The following TXLNB variants were observed in gnomAD, a reference collection of about 807,000 sequenced individuals.
The protein encoded by TXLNB is beta-taxilin.
A neutral mutation model predicts 57.4 loss-of-function variants in TXLNB; 37 were observed. That is an observed-to-expected ratio of 0.64 (90% CI 0.50 to 0.85). The LOEUF (loss-of-function observed/expected upper bound fraction) is 0.85, where lower values mean the gene tolerates loss of function less well. TXLNB is among the 40% of genes least tolerant of loss of function. The probability of loss-of-function intolerance (pLI) is 0.00; values close to 1 mark genes in which losing one functional copy is unlikely to be tolerated. For missense variants in TXLNB, 848 were observed against 825.6 expected (o/e 1.03, Z -0.33); for synonymous variants, 302 against 309.6 (o/e 0.98, Z 0.26).
intron 3 of TXLNB, among the ~76,000 whole-genome samples, chr6:139,273,383 C>T (rs1344897422): frequency 6.6e-6 from 1 of 152,252 alleles, no homozygotes; most frequent in Non-Finnish European, 1.5e-5. Context: ...AGGAGGAAGA[C>T]ACCCTACAGG....
upstream of TXLNB, among the ~76,000 whole-genome samples, chr6:139,295,866 A>G (rs1777380128): frequency 6.6e-6 from 1 of 152,012 alleles, no homozygotes; most frequent in Non-Finnish European, 1.5e-5. Context: ...GGAGTTGATA[A>G]TTTCTTTTTC....
At chr6:139,209,866 A>G in the TXLNB span, among the ~76,000 whole-genome samples, 1 of 152,174 alleles carries the variant, frequency 6.6e-6, no homozygotes, top group African/African-American at 2.4e-5. Context: ...AATAAATGGG[A>G]CCTAATTAAA....
At chr6:139,181,239 G>A in the TXLNB span, among the ~76,000 whole-genome samples, 44 of 152,344 alleles carry the variant, frequency 2.9e-4, no homozygotes, top group Admixed American at 2.8e-3. Context: ...ATGATTTGGT[G>A]AAATCAAACT....
chr6:139,163,155 C>A, the TXLNB span, among the ~76,000 whole-genome samples: 1 of 152,070 alleles, frequency 6.6e-6, no homozygotes, highest in Admixed American at 6.5e-5. Context: ...GATTTTACCC[C>A]CTAGGGGATA....
chr6:139,253,958 AC>A (rs1386287069), intron 7 of TXLNB, among the ~76,000 whole-genome samples: 2 of 151,894 alleles, frequency 1.3e-5, no homozygotes, highest in Non-Finnish European at 2.9e-5. Context: ...TTGAGGTCAC[AC>A]CCCCTTTCCT....
the TXLNB span, among the ~76,000 whole-genome samples, chr6:139,233,768 GAACT>G: frequency 3.9e-5 from 6 of 152,136 alleles, no homozygotes; most frequent in African/African-American, 1.4e-4. Flanking sequence ...GTGTGAGAAT[GAACT>G]AATATAGTAA....
intron 3 of TXLNB, among the ~76,000 whole-genome samples, chr6:139,274,853 A>G (rs973431123): frequency 6.6e-6 from 1 of 152,216 alleles, no homozygotes; most frequent in African/African-American, 2.4e-5. Context: ...GGGGTAAAGG[A>G]AAAATGACTC....
At chr6:139,294,746 T>C (rs182651500), upstream of TXLNB, among the ~76,000 whole-genome samples, 6 of 152,252 alleles carry the variant, frequency 3.9e-5, no homozygotes, top group Admixed American at 3.3e-4. Flanking sequence ...TACCAGCACG[T>C]TGGGAGGCCA....
intron 5 of TXLNB, among the ~76,000 whole-genome samples, chr6:139,262,290 T>A (rs1229297824): frequency 6.6e-6 from 1 of 152,180 alleles, no homozygotes; most frequent in Non-Finnish European, 1.5e-5. Context: ...AGAGGATTTT[T>A]AAAAGGCTGA....
chr6:139,196,796 A>G, the TXLNB span, among the ~76,000 whole-genome samples: 5 of 152,354 alleles, frequency 3.3e-5, no homozygotes, highest in East Asian at 3.9e-4. Context: ...TAAGACATCA[A>G]AAACACTCAT....
At chr6:139,173,085 C>G in the TXLNB span, among the ~76,000 whole-genome samples, 1 of 152,182 alleles carries the variant, frequency 6.6e-6, no homozygotes, top group Non-Finnish European at 1.5e-5. Flanking sequence ...CCAGTGGCTC[C>G]TGGATCCTTG....
chr6:139,318,581 G>C, the TXLNB span, among the ~76,000 whole-genome samples: 1 of 151,914 alleles, frequency 6.6e-6, no homozygotes. Context: ...TAAAACCAAA[G>C]ACAAAGAGAA....
the TXLNB span, among the ~76,000 whole-genome samples, chr6:139,188,312 A>C: frequency 1.3e-5 from 2 of 152,226 alleles, no homozygotes; most frequent in East Asian, 3.8e-4. Flanking sequence ...TGCAACTGGC[A>C]GGCAGATAAA....
the TXLNB span, among the ~76,000 whole-genome samples, chr6:139,192,985 A>AC: frequency 1.4e-5 from 2 of 139,932 alleles, no homozygotes; most frequent in East Asian, 3.9e-4. Context: ...CAAAAAAAAA[A>AC]AACAACAAAA....
In TXLNB at chr6:139,288,612, G is replaced by A. The variant is rs748637149; in HGVS notation, c.288C>T (p.Asp96=). The A allele has an allele frequency of 1.1e-5, 17 of 1,614,188 alleles. No homozygotes were observed. The South Asian group carries it at 1.4e-4, about 14-fold the overall frequency. The change falls in exon 2 of 10, where the codon GAC becomes GAT. Residue 96 remains aspartate, a synonymous_variant. Transcript: ENST00000358430. ...SEQPENAESP[D]NEDGDCEETT... Reference sequence around the variant, plus strand: ...TTTCCTCACAGTCCCCATCCTCGTTGTCAGGTGATTCTGCATTCTCAGGCT... The same window carrying A: ...TTTCCTCACAGTCCCCATCCTCGTTATCAGGTGATTCTGCATTCTCAGGCT...
the TXLNB span, among the ~76,000 whole-genome samples, chr6:139,163,405 TGTGCA>T: frequency 6.6e-6 from 1 of 151,228 alleles, no homozygotes; most frequent in Non-Finnish European, 1.5e-5. Flanking sequence ...CTCAGGCTGG[TGTGCA>T]GTGGCACAAT....
At chr6:139,174,048 G>A in the TXLNB span, among the ~76,000 whole-genome samples, 1 of 152,158 alleles carries the variant, frequency 6.6e-6, no homozygotes, top group Non-Finnish European at 1.5e-5. Flanking sequence ...GAAGTCCTGC[G>A]TGAATACAGT....
chr6:139,318,939 C>CTTTTT, the TXLNB span, among the ~76,000 whole-genome samples: 10 of 120,344 alleles, frequency 8.3e-5, no homozygotes, highest in African/African-American at 1.0e-4. Context: ...GTCTTCCTTC[C>CTTTTT]TTTTTTTTTT....
the TXLNB span, chr6:139,180,330 T>A: frequency 6.6e-6 from 1 of 152,640 alleles, no homozygotes; most frequent in Non-Finnish European, 1.5e-5. Flanking sequence ...ATTTGCTAAG[T>A]CTTTTGTTTA....
Sources: gnomAD v4.1 joint callset for allele counts (sites outside exome capture counted in the v4.1 genomes callset) on GRCh38, gnomAD v4.1.1 for gene constraint, MANE v1.5 for transcripts, NCBI Gene and HGNC (gene_info 2026-07-23, HGNC 2026-07-21) for gene names.